Variants in RBFOX1 observed in about 807,000 individuals in gnomAD.
RBFOX1 encodes RNA binding protein fox-1 homolog 1.
In RBFOX1, 8 loss-of-function variants were observed where a neutral mutation model predicts 57.7. The ratio of observed to expected loss-of-function variants is 0.14; its 90% CI spans 0.08 to 0.25. RBFOX1 has a LOEUF of 0.25. Ranked by LOEUF, RBFOX1 falls within the 10% of genes least tolerant of loss-of-function variation. The probability of loss-of-function intolerance (pLI) is 1.00; values close to 1 mark genes in which losing one functional copy is unlikely to be tolerated. For synonymous variants in RBFOX1, 326 were observed against 222.4 expected, an observed-to-expected ratio of 1.47 and a Z score of -4.15; for missense variants, 611 against 548.5, an observed-to-expected ratio of 1.11 and a Z score of -1.14.
chr16:7,668,208 A>G (rs1421066793), intron 13 of RBFOX1, among the ~76,000 whole-genome samples: 1 of 151,978 alleles, frequency 6.6e-6, no homozygotes, highest in Non-Finnish European at 1.5e-5. Flanking sequence ...TTCCATGCCT[A>G]CCACCTGAGG....
intron 13 of RBFOX1, among the ~76,000 whole-genome samples, chr16:7,669,704 ATCC>A (rs1447597724): frequency 6.6e-6 from 1 of 152,238 alleles, no homozygotes; most frequent in Non-Finnish European, 1.5e-5. Flanking sequence ...ACAAAGAGGT[ATCC>A]TCATTTCACT....
intron 3 of RBFOX1, among the ~76,000 whole-genome samples, chr16:5,660,212 T>C (rs967473034): frequency 2.0e-5 from 3 of 152,146 alleles, no homozygotes; most frequent in Admixed American, 6.5e-5. Flanking sequence ...CAAGGTTGTT[T>C]CGTTGAGTGT....
chr16:7,124,476 C>G (rs1414319266), intron 4 of RBFOX1, among the ~76,000 whole-genome samples: 1 of 151,298 alleles, frequency 6.6e-6, no homozygotes, highest in Non-Finnish European at 1.5e-5. Flanking sequence ...CACTTCTGAA[C>G]CAACCATCCT....
intron 2 of RBFOX1, among the ~76,000 whole-genome samples, chr16:6,419,301 T>G (rs940676436): frequency 2.0e-5 from 3 of 152,208 alleles, no homozygotes; most frequent in Non-Finnish European, 2.9e-5. Flanking sequence ...TTTGCCTGAC[T>G]GGCCTGGAAT....
At chr16:7,560,247 G>C (rs538215069) in intron 5 of RBFOX1, among the ~76,000 whole-genome samples, 2 of 152,310 alleles carry the variant, frequency 1.3e-5, no homozygotes, top group Admixed American at 6.5e-5. Context: ...AACCCCCTAT[G>C]GGGGGTGGAC....
At chr16:5,401,697 C>T (rs1024455886) in intron 1 of RBFOX1, among the ~76,000 whole-genome samples, 1 of 151,670 alleles carries the variant, frequency 6.6e-6, no homozygotes, top group Non-Finnish European at 1.5e-5. Context: ...GAAATTCACA[C>T]TTTCATTGTT....
intron 4 of RBFOX1, among the ~76,000 whole-genome samples, chr16:7,055,636 A>G (rs1194650594): frequency 6.6e-6 from 1 of 152,198 alleles, no homozygotes; most frequent in African/African-American, 2.4e-5. Context: ...GTCATTGGCC[A>G]ATCTCTACAT....
intron 2 of RBFOX1, among the ~76,000 whole-genome samples, chr16:6,469,020 G>A (rs8055674): frequency 0.13 from 19,989 of 152,004 alleles, 1,562 homozygotes; most frequent in Middle Eastern, 0.17. Context: ...CCAGGCATTG[G>A]AAGTGGTCAA....
At chr16:6,666,774 C>G (rs2098735748) in intron 3 of RBFOX1, among the ~76,000 whole-genome samples, 1 of 152,116 alleles carries the variant, frequency 6.6e-6, no homozygotes, top group South Asian at 2.1e-4. Context: ...AAACCCTCCA[C>G]ATAACAGGAA....
intron 3 of RBFOX1, among the ~76,000 whole-genome samples, chr16:6,942,285 C>CA (rs1213663882): frequency 5.9e-5 from 9 of 152,002 alleles, no homozygotes; most frequent in African/African-American, 1.9e-4. Context: ...ATCTCACAAA[C>CA]AAAAAACAAG....
chr16:6,041,523 A>G (rs188978565), intron 1 of RBFOX1, among the ~76,000 whole-genome samples: 11 of 152,198 alleles, frequency 7.2e-5, no homozygotes, highest in African/African-American at 2.6e-4. Flanking sequence ...TCACTCTCAT[A>G]TTTATCATCC....
rs559212272 is a variant in RBFOX1 at position 6,483,337 on chromosome 16, C to A, written c.-64+166280C>A. Reference sequence around the variant, plus strand: ...GCTCGGGGCGTTCTGCACCTGCTGGCGGTCGTGCCAGGCAGCCCGGGCGAG... The same window carrying A: ...GCTCGGGGCGTTCTGCACCTGCTGGAGGTCGTGCCAGGCAGCCCGGGCGAG... On this transcript the variant is annotated intron_variant, in intron 2 of 15. Coordinates refer to ENST00000550418, the MANE Select transcript of RBFOX1 (RefSeq NM_018723.4). 550 of 1,471,942 alleles carry A rather than the reference C, an allele frequency of 3.7e-4. 3 individuals carry two copies. In the Admixed American group the frequency reaches 0.01, roughly 27 times the overall value. 91.2% of individuals were successfully genotyped at this position (1,471,942 alleles called of 1,614,324 possible). A position where few individuals can be genotyped will look rare whatever the true frequency, so the allele number is the denominator to read the frequency against.
Position 7,617,974 on chromosome 16 carries a change from C to G in RBFOX1, c.676+10636C>G, listed in dbSNP as rs150288889. On this transcript the variant is annotated intron_variant, in intron 10 of 15. Transcript: ENST00000550418. ...GTTGGTAGGGTCCCAAGCTGTTTCT[C>G]AACCTTTATCTTTAGAATCCATTGA... Among the ~76,000 whole-genome samples, 5 of 148,930 alleles carry G rather than the reference C, an allele frequency of 3.4e-5. No individual in the cohort carries two copies. In the East Asian group the frequency reaches 1.0e-3, roughly 31 times the overall value.
intron 3 of RBFOX1, among the ~76,000 whole-genome samples, chr16:6,920,965 A>G (rs2074327874): frequency 6.6e-6 from 1 of 152,190 alleles, no homozygotes; most frequent in Non-Finnish European, 1.5e-5. Context: ...ACTATCAGAG[A>G]ATGGATTCTA....
At chr16:5,352,969 C>T (rs1306447852) in intron 1 of RBFOX1, among the ~76,000 whole-genome samples, 2 of 152,130 alleles carry the variant, frequency 1.3e-5, no homozygotes, top group Non-Finnish European at 2.9e-5. Context: ...TTACTTGATA[C>T]ATACTTCGTA....
chr16:5,585,521 C>A (rs1046412994), intron 2 of RBFOX1, among the ~76,000 whole-genome samples: 3 of 152,168 alleles, frequency 2.0e-5, no homozygotes, highest in Admixed American at 6.5e-5. Context: ...CTATTTGTTT[C>A]TTGTGAGTAT....
At chr16:6,248,732 G>A (rs2097584442) in intron 1 of RBFOX1, among the ~76,000 whole-genome samples, 1 of 152,116 alleles carries the variant, frequency 6.6e-6, no homozygotes, top group Admixed American at 6.6e-5. Flanking sequence ...GGGCTTCCGA[G>A]ATTCAAATTC....
At chr16:6,631,438 T>G (rs985876324) in intron 2 of RBFOX1, among the ~76,000 whole-genome samples, 1 of 151,968 alleles carries the variant, frequency 6.6e-6, no homozygotes. Flanking sequence ...AAGTTCCCAG[T>G]GACAGAGTGA....
At chr16:5,780,856 G>A (rs1244455815) in intron 3 of RBFOX1, among the ~76,000 whole-genome samples, 4 of 152,150 alleles carry the variant, frequency 2.6e-5, no homozygotes, top group African/African-American at 7.2e-5. Flanking sequence ...AAACTGGTAG[G>A]TGCCATCGCT....
Sources: gnomAD v4.1 joint callset for allele counts (sites outside exome capture counted in the v4.1 genomes callset) on GRCh38, gnomAD v4.1.1 for gene constraint, MANE v1.5 for transcripts, NCBI Gene and HGNC (gene_info 2026-07-23, HGNC 2026-07-21) for gene names.